The following NPY1R variants were observed in gnomAD, a reference collection of about 807,000 sequenced individuals.
The protein encoded by NPY1R is neuropeptide Y receptor type 1.
In NPY1R, 10 loss-of-function variants were observed where a neutral mutation model predicts 24.1. That is an observed-to-expected ratio of 0.42 (90% CI 0.26 to 0.71). NPY1R has a LOEUF of 0.71. NPY1R is among the 30% of genes least tolerant of loss of function. NPY1R has a pLI of 0.28. For missense variants in NPY1R, 350 were observed against 458.0 expected (o/e 0.76, Z 2.15); for synonymous variants, 168 against 165.9 (o/e 1.01, Z -0.10).
upstream of NPY1R, among the ~76,000 whole-genome samples, chr4:163,337,948 A>G (rs1734882496): frequency 6.6e-6 from 1 of 152,214 alleles, no homozygotes; most frequent in Non-Finnish European, 1.5e-5. Flanking sequence ...GATCAAAGCC[A>G]ATGAACACAA....
At chr4:163,335,607 G>A (rs1040017395), upstream of NPY1R, among the ~76,000 whole-genome samples, 2 of 151,990 alleles carry the variant, frequency 1.3e-5, no homozygotes, top group Non-Finnish European at 2.9e-5. Context: ...AATACTACAC[G>A]AGAAAACTGA....
At chr4:163,330,979 T>C (rs1251508976) in intron 1 of NPY1R, 1 of 152,264 alleles carries the variant, frequency 6.6e-6, no homozygotes, top group African/African-American at 2.4e-5. Context: ...TCTCTGCTCC[T>C]TCCTTGCTGG....
upstream of NPY1R, among the ~76,000 whole-genome samples, chr4:163,337,287 T>G (rs1043199154): frequency 3.3e-5 from 5 of 152,322 alleles, no homozygotes; most frequent in African/African-American, 1.2e-4. Flanking sequence ...AACTACAAAT[T>G]CAAAACCTTC....
At chr4:163,341,912 T>C (rs1191595349) in intron 1 of NPY1R, among the ~76,000 whole-genome samples, 2 of 152,212 alleles carry the variant, frequency 1.3e-5, no homozygotes, top group Non-Finnish European at 2.9e-5. Flanking sequence ...TATCTTCATA[T>C]CTTCCTCTTT....
At chr4:163,335,100 C>T (rs75202311), upstream of NPY1R, among the ~76,000 whole-genome samples, 46 of 152,194 alleles carry the variant, frequency 3.0e-4, no homozygotes, top group East Asian at 7.1e-3. Context: ...ATTTTAAGAT[C>T]ATATATTTTT....
At position 163,325,942 on chromosome 4, in the gene NPY1R, C is replaced by A; in HGVS notation, c.613G>T (p.Asp205Tyr). Reference sequence around the variant, plus strand: ...GTGGTATAAGACAACCTATGAGAGTCCGATGGAAATTGATCAAAGCACACG... The same window carrying A: ...GTGGTATAAGACAACCTATGAGAGTACGATGGAAATTGATCAAAGCACACG... ...KYVCFDQFPS[D>Y]SHRLSYTTLL... is the part of the protein sequence containing the mutation. The change falls in exon 2 of 3, where the codon GAC becomes TAC. Residue 205 changes from aspartate to tyrosine, a missense_variant. Coordinates refer to ENST00000296533, the MANE Select transcript of NPY1R (RefSeq NM_000909.6). The A allele has an allele frequency of 6.2e-7, 1 of 1,613,990 alleles. No individual in the cohort carries two copies. The highest frequency in any genetic ancestry group is 8.5e-7 in the Non-Finnish European group (1 of 1,179,948).
chr4:163,343,968 G>A (rs922147865), intron 1 of NPY1R: 2 of 152,486 alleles, frequency 1.3e-5, no homozygotes, highest in Non-Finnish European at 2.9e-5. Flanking sequence ...GCTCCCGGGA[G>A]CCCAGGGCCT....
Position 163,325,050 on chromosome 4 carries a change from G to A in NPY1R, c.*253C>T. The A allele has an allele frequency of 2.3e-6, 1 of 438,154 alleles. No homozygotes were observed. The highest frequency in any genetic ancestry group is 4.1e-6 in the Non-Finnish European group (1 of 246,094). 27.1% of individuals were successfully genotyped at this position (438,154 alleles called of 1,614,324 possible). ...CAGTATAAAAGTCTTTATATTATAT[G>A]CATAAATTCACAAAAAGCACTTCAA... On this transcript the variant is annotated 3_prime_UTR_variant, in exon 3 of 3. Coordinates refer to ENST00000296533, the MANE Select transcript of NPY1R (RefSeq NM_000909.6).
chr4:163,335,676 G>A (rs572720745), upstream of NPY1R, among the ~76,000 whole-genome samples: 21 of 152,062 alleles, frequency 1.4e-4, no homozygotes, highest in African/African-American at 4.1e-4. Context: ...GATGAAGCAC[G>A]TCAGTGAATC....
Position 163,325,996 on chromosome 4 carries a change from C to T in NPY1R, c.559G>A (p.Val187Ile). 6.2e-7 allele frequency: 1 copy of T among 1,614,048 alleles called. No individual in the cohort carries two copies. Among genetic ancestry groups the T allele is most frequent in the South Asian group, 1.1e-5 (1 of 91,048 alleles). Residue 187 changes from valine to isoleucine, a missense_variant, in exon 2 of 3, where the codon GTA becomes ATA. Transcript: ENST00000296533. Reference protein sequence around the residue: ...QVMTDEPFQNVTLDAYKDKYV... With the variant: ...QVMTDEPFQNITLDAYKDKYV... ...TTGTCTTTGTACGCATCAAGTGTTA[C>T]ATTTTGGAACGGCTCATCAGTCATT...
chr4:163,334,187 A>G (rs1380279866), upstream of NPY1R, among the ~76,000 whole-genome samples: 1 of 152,204 alleles, frequency 6.6e-6, no homozygotes, highest in Admixed American at 6.5e-5. Flanking sequence ...CATGGTTTTG[A>G]TCATCAAATT....
chr4:163,325,703 T>C lies in NPY1R; in HGVS notation c.755A>G (p.Lys252Arg). ...TCTTTTGGTTTCACTGGACCTGTAC[T>C]TATTGTCTCTCATCTTGTCCATCAT... is the stretch of plus-strand genomic sequence containing the variant. Reference protein sequence around the residue: ...NNMMDKMRDNKYRSSETKRIN... With the variant: ...NNMMDKMRDNRYRSSETKRIN... Residue 252 changes from lysine to arginine, a missense_variant, in exon 3 of 3, where the codon AAG becomes AGG. By Grantham distance (26) the Lys-to-Arg change is conservative. Transcript: ENST00000296533. The C allele has an allele frequency of 3.7e-6, 6 of 1,603,230 alleles. No individual in the cohort carries two copies. The highest frequency in any genetic ancestry group is 5.1e-6 in the Non-Finnish European group (6 of 1,178,912).
chr4:163,328,800 C>T (rs1041133139), intron 1 of NPY1R, among the ~76,000 whole-genome samples: 3 of 152,224 alleles, frequency 2.0e-5, no homozygotes, highest in Non-Finnish European at 2.9e-5. Flanking sequence ...CCAATCCAAA[C>T]TCTACCCATC....
In NPY1R at chr4:163,329,878, G is replaced by C. The variant is rs183660136; in HGVS notation, c.-152+2604C>G. On this transcript the variant is annotated intron_variant, in intron 1 of 2. Coordinates refer to ENST00000296533, the MANE Select transcript of NPY1R (RefSeq NM_000909.6). ...GGAAATTAATTAGGAAGGCTAAAGAGGGGGGTACAGACTGTAGAGCCTTTT... is the reference window on the plus strand; with the variant it reads ...GGAAATTAATTAGGAAGGCTAAAGACGGGGGTACAGACTGTAGAGCCTTTT... Among the ~76,000 whole-genome samples the C allele has an allele frequency of 3.9e-5, 6 of 152,152 alleles. No homozygotes were observed. The East Asian group carries it at 1.2e-3, about 29-fold the overall frequency.
At chr4:163,340,320 ATATAT>A (rs998828646) in intron 1 of NPY1R, among the ~76,000 whole-genome samples, 8 of 151,750 alleles carry the variant, frequency 5.3e-5, no homozygotes, top group African/African-American at 1.9e-4. Flanking sequence ...ATATATATAT[ATATAT>A]ATTTGTGCTG....
At chr4:163,329,330 C>T (rs1734676831) in intron 1 of NPY1R, among the ~76,000 whole-genome samples, 1 of 152,016 alleles carries the variant, frequency 6.6e-6, no homozygotes, top group South Asian at 2.1e-4. Context: ...TGGGGCCGGG[C>T]GAGGTGGCTC....
At chr4:163,327,638 AG>A (rs768612553) in intron 1 of NPY1R, among the ~76,000 whole-genome samples, 31 of 152,134 alleles carry the variant, frequency 2.0e-4, no homozygotes, top group Non-Finnish European at 3.7e-4. Flanking sequence ...AGGATTTCTA[AG>A]GTATTATTTA....
chr4:163,334,600 G>A (rs1365210067), upstream of NPY1R, among the ~76,000 whole-genome samples: 3 of 152,178 alleles, frequency 2.0e-5, no homozygotes, highest in Non-Finnish European at 4.4e-5. Flanking sequence ...GGTGGCTCAC[G>A]CCTGTAATCC....
chr4:163,333,150 C>A (rs1292129154), upstream of NPY1R: 9 of 151,974 alleles, frequency 5.9e-5, no homozygotes, highest in African/African-American at 2.2e-4. Flanking sequence ...GTCAATCGGC[C>A]CTCCTTTCTT....
Sources: allele counts gnomAD v4.1 joint callset (sites outside exome capture counted in the v4.1 genomes callset), GRCh38; gene constraint gnomAD v4.1.1; transcripts MANE v1.5; gene names NCBI Gene and HGNC (gene_info 2026-07-23, HGNC 2026-07-21).